The following HMGCLL1 variants were observed in gnomAD, a reference collection of about 807,000 sequenced individuals.
HMGCLL1 encodes 3-hydroxy-3-methylglutaryl-CoA lyase like 1, also known as 3-hydroxymethyl-3-methylglutaryl-CoA lyase, cytoplasmic.
A neutral mutation model predicts 39.1 loss-of-function variants in HMGCLL1; 36 were observed. The ratio of observed to expected loss-of-function variants is 0.92; its 90% CI spans 0.71 to 1.22. The LOEUF (loss-of-function observed/expected upper bound fraction) is 1.22. Among genes scored for constraint, HMGCLL1 ranks in the 50% most tolerant of loss-of-function variants. The probability of loss-of-function intolerance (pLI) is 0.00; values close to 1 mark genes in which losing one functional copy is unlikely to be tolerated. For missense variants in HMGCLL1, 451 were observed against 416.5 expected, an observed-to-expected ratio of 1.08 and a Z score of -0.72; for synonymous variants, 149 against 144.0, an observed-to-expected ratio of 1.03 and a Z score of -0.25.
chr6:55,516,532 A>G lies in HMGCLL1; in HGVS notation c.369T>C (p.Pro123=), dbSNP rs1218558054. 1 of 1,597,632 alleles carries G rather than the reference A, an allele frequency of 6.3e-7. No individual in the cohort carries two copies. Among genetic ancestry groups the G allele is most frequent in the Admixed American group, 1.7e-5 (1 of 59,902 alleles). ...YPGVRYPVLT[P]NLQGFHHAVA... ...CAGCATGGTGAAAACCCTGAAGATT[A>G]GGAGTAAGGACAGGATAGCGAACTC... Residue 123 remains proline (P), a synonymous_variant, in exon 4 of 9, where the codon CCT becomes CCC. Transcript: ENST00000274901.
intron 7 of HMGCLL1, among the ~76,000 whole-genome samples, chr6:55,465,726 G>A (rs1235339196): frequency 6.6e-6 from 1 of 151,748 alleles, no homozygotes; most frequent in African/African-American, 2.4e-5. Context: ...CTCTAATCTG[G>A]TAACGTTCTG....
the HMGCLL1 span, among the ~76,000 whole-genome samples, chr6:55,643,645 T>C: frequency 2.0e-5 from 3 of 152,008 alleles, no homozygotes; most frequent in African/African-American, 7.2e-5. Context: ...GGTGACTATC[T>C]TTCTGTTTCC....
At chr6:55,592,639 C>T in the HMGCLL1 span, among the ~76,000 whole-genome samples, 4 of 152,040 alleles carry the variant, frequency 2.6e-5, no homozygotes, top group African/African-American at 9.7e-5. Context: ...TATATTTGGA[C>T]ATTGCCAGAT....
chr6:55,645,890 G>A, the HMGCLL1 span, among the ~76,000 whole-genome samples: 8,354 of 151,814 alleles, frequency 0.055, 392 homozygotes, highest in Non-Finnish European at 0.077. Flanking sequence ...TGGTATCAAG[G>A]TAGTACTGGC....
intron 1 of HMGCLL1, among the ~76,000 whole-genome samples, chr6:55,549,138 G>A (rs1428011573): frequency 1.2e-5 from 1 of 85,066 alleles, no homozygotes; most frequent in Admixed American, 1.4e-4. Context: ...ACCTATAGGT[G>A]TTTCATTACA....
the HMGCLL1 span, among the ~76,000 whole-genome samples, chr6:55,608,615 T>C: frequency 1.3e-5 from 2 of 152,206 alleles, no homozygotes; most frequent in African/African-American, 4.8e-5. Flanking sequence ...TTTCTTATCC[T>C]CTTAATTCAA....
chr6:55,607,750 C>T, the HMGCLL1 span, among the ~76,000 whole-genome samples: 20 of 152,086 alleles, frequency 1.3e-4, no homozygotes, highest in Non-Finnish European at 2.5e-4. Context: ...TCCCAAGAGC[C>T]TTCCTTAATA....
At chr6:55,553,365 G>A (rs1326361932) in intron 1 of HMGCLL1, among the ~76,000 whole-genome samples, 1 of 151,726 alleles carries the variant, frequency 6.6e-6, no homozygotes, top group African/African-American at 2.4e-5. Context: ...TTGAACCCAG[G>A]AGGCGGAGGT....
chr6:55,474,987 G>A (rs770751891), intron 7 of HMGCLL1, among the ~76,000 whole-genome samples: 16 of 151,566 alleles, frequency 1.1e-4, no homozygotes, highest in Non-Finnish European at 1.9e-4. Flanking sequence ...GTGATAAGGT[G>A]TGAAAGAAGA....
chr6:55,651,574 T>G, the HMGCLL1 span, among the ~76,000 whole-genome samples: 2 of 152,080 alleles, frequency 1.3e-5, no homozygotes, highest in African/African-American at 4.8e-5. Context: ...CACAAGCATT[T>G]CCTTAGCTGT....
intron 7 of HMGCLL1, among the ~76,000 whole-genome samples, chr6:55,473,104 C>T (rs1044217433): frequency 6.6e-6 from 1 of 151,378 alleles, no homozygotes; most frequent in Middle Eastern, 3.4e-3. Flanking sequence ...TATACTTTTT[C>T]TATCCCTTTA....
intron 3 of HMGCLL1, among the ~76,000 whole-genome samples, chr6:55,526,944 T>C (rs1296618776): frequency 6.6e-6 from 1 of 151,978 alleles, no homozygotes; most frequent in African/African-American, 2.4e-5. Flanking sequence ...CCCAACCTTG[T>C]TGAAGTCTAA....
chr6:55,530,491 G>T (rs1408410519), intron 3 of HMGCLL1, among the ~76,000 whole-genome samples: 1 of 151,892 alleles, frequency 6.6e-6, no homozygotes, highest in African/African-American at 2.4e-5. Flanking sequence ...TAGGTCAAAT[G>T]TTCAAGATAA....
At chr6:55,620,324 G>T in the HMGCLL1 span, among the ~76,000 whole-genome samples, 7 of 152,104 alleles carry the variant, frequency 4.6e-5, 1 homozygote, top group South Asian at 1.5e-3. Context: ...GTGTACCAGG[G>T]TTCCCTTTTC....
the HMGCLL1 span, among the ~76,000 whole-genome samples, chr6:55,678,350 T>C: frequency 6.6e-6 from 1 of 152,158 alleles, no homozygotes; most frequent in Non-Finnish European, 1.5e-5. Context: ...TTAGTTTCCA[T>C]GAACATTATT....
the HMGCLL1 span, among the ~76,000 whole-genome samples, chr6:55,589,792 C>T: frequency 6.6e-6 from 1 of 152,230 alleles, no homozygotes; most frequent in Non-Finnish European, 1.5e-5. Flanking sequence ...TGAGTGAACT[C>T]CCATTCACAA....
the HMGCLL1 span, among the ~76,000 whole-genome samples, chr6:55,677,383 C>A: frequency 6.6e-6 from 1 of 152,106 alleles, no homozygotes; most frequent in African/African-American, 2.4e-5. Flanking sequence ...CAGAAACAAC[C>A]CCCCCGACAC....
chr6:55,510,115 A>G (rs888730827), intron 5 of HMGCLL1, among the ~76,000 whole-genome samples: 20 of 152,162 alleles, frequency 1.3e-4, no homozygotes, highest in African/African-American at 4.6e-4. Flanking sequence ...TTTTTAAAAC[A>G]ATGAATCAAT....
intron 7 of HMGCLL1, among the ~76,000 whole-genome samples, chr6:55,455,379 C>T (rs111310384): frequency 0.082 from 12,420 of 151,782 alleles, 568 homozygotes; most frequent in African/African-American, 0.12. Flanking sequence ...TTTTTTTCTG[C>T]CACTAGAAAT....
Sources: gnomAD v4.1 joint callset for allele counts (sites outside exome capture counted in the v4.1 genomes callset) on GRCh38, gnomAD v4.1.1 for gene constraint, MANE v1.5 for transcripts, NCBI Gene and HGNC (gene_info 2026-07-23, HGNC 2026-07-21) for gene names.